Variants in USP36 observed in about 807,000 individuals in gnomAD.
USP36 encodes the protein ubiquitin carboxyl-terminal hydrolase 36.
Under a neutral mutation model 111.5 loss-of-function variants are expected in USP36, and 59 were observed. That is an observed-to-expected ratio of 0.53 (90% CI 0.43 to 0.66). The LOEUF (loss-of-function observed/expected upper bound fraction) is 0.66, where lower values mean the gene tolerates loss of function less well. USP36 is among the 30% of genes least tolerant of loss of function. USP36 has a pLI of 0.00. For synonymous variants in USP36, 628 were observed against 581.0 expected (o/e 1.08, Z -1.16); for missense variants, 1,488 against 1,468.0 (o/e 1.01, Z -0.22).
intron 6 of USP36, among the ~76,000 whole-genome samples, chr17:78,826,163 A>AAC (rs921605173): frequency 1.3e-5 from 2 of 152,296 alleles, no homozygotes; most frequent in African/African-American, 4.8e-5. Context: ...CGCGTGACCA[A>AAC]ACCCTCAAAA....
chr17:78,798,650 C>G lies in USP36; in HGVS notation c.3241-99G>C. ...GCAGGTCCTGCACACAGGCCGGGCT[C>G]TCATGAGCTCTCTGGAGACCCACTC... is the stretch of plus-strand genomic sequence containing the variant. On this transcript the variant is annotated intron_variant, in intron 19 of 20. Coordinates refer to ENST00000449938, the MANE Select transcript of USP36 (RefSeq NM_001385174.1). The surrounding 1 kb of genome is among the most constrained non-coding windows in gnomAD (Gnocchi z 5.1). 3.9e-6 allele frequency: 6 copies of G among 1,553,092 alleles called. No individual in the cohort carries two copies. The highest frequency in any genetic ancestry group is 5.2e-6 in the Non-Finnish European group (6 of 1,147,730).
At chr17:78,821,732 C>G (rs2094336057) in intron 7 of USP36, among the ~76,000 whole-genome samples, 1 of 152,026 alleles carries the variant, frequency 6.6e-6, no homozygotes, top group Non-Finnish European at 1.5e-5. Flanking sequence ...GCCACCACAC[C>G]CAGCCCTCGT....
At chr17:78,806,394 GA>G (rs1567921735) in intron 14 of USP36, 108 bp from the exon 15 acceptor site, 6 of 1,469,920 alleles carry the variant, frequency 4.1e-6, no homozygotes, top group South Asian at 2.5e-5. Flanking sequence ...AAAGAGCCCA[GA>G]AAAAAAGATG....
intron 6 of USP36, among the ~76,000 whole-genome samples, chr17:78,825,845 C>G (rs1230832213): frequency 2.0e-5 from 3 of 152,208 alleles, no homozygotes; most frequent in African/African-American, 7.2e-5. Context: ...CCTGGGGACA[C>G]CTACTTGCCT....
In USP36 at chr17:78,806,274, A is replaced by T; in HGVS notation, c.2098T>A (p.Trp700Arg). 1.9e-6 allele frequency: 3 copies of T among 1,613,934 alleles called. No individual in the cohort carries two copies. Among genetic ancestry groups the T allele is most frequent in the South Asian group, 2.2e-5 (2 of 91,074 alleles). Residue 700 changes from tryptophan (W) to arginine (R), a missense_variant, in exon 15 of 21, where the codon TGG becomes AGG. Coordinates refer to ENST00000449938, the MANE Select transcript of USP36 (RefSeq NM_001385174.1). ...ALSAKKASTL[W>R]RATGNDLRPP... ...CGGAGGTCATTGCCGGTCGCCCTCCACAGGGTGCTGGCCTGCAGTTATCGA... is the reference window on the plus strand; with the variant it reads ...CGGAGGTCATTGCCGGTCGCCCTCCTCAGGGTGCTGGCCTGCAGTTATCGA...
rs1230752425 is a variant in USP36, at chr17:78,802,389, G to C, written c.2957C>G (p.Ala986Gly). The C allele has an allele frequency of 1.2e-5, 19 of 1,609,420 alleles. No homozygotes were observed. The highest frequency in any genetic ancestry group is 1.4e-5 in the Non-Finnish European group (17 of 1,178,206). ...GCAGCTGCTGGACTCGGGGACAACA[G>C]CATCTTGGGGCTTGGCACTCCTTGG... ...KCPRSAKPQD[A>G]VVPESSSCAP... The change falls in exon 17 of 21, where the codon GCT becomes GGT. Residue 986 changes from alanine (A) to glycine (G), a missense_variant. Around this residue, in one of 3 missense-constraint regions of USP36, gnomAD observed 1,073 missense variants for 994.1 expected, o/e 1.08. Coordinates refer to ENST00000449938, the MANE Select transcript of USP36 (RefSeq NM_001385174.1).
At position 78,808,295 on chromosome 17, in the gene USP36, T is replaced by A. The variant is rs76141906; in HGVS notation, c.1408-659A>T. On this transcript the variant is annotated intron_variant, in intron 13 of 20. Transcript: ENST00000449938. ...CCTTGCTCTGTTGCCCAGGCTGGAG[T>A]GCAGTGGCATGATGATGTCATCATA... 1.5e-3 allele frequency among the ~76,000 whole-genome samples: 227 copies of A among 152,288 alleles called. 2 individuals carry two copies. The highest frequency in any genetic ancestry group is 5.3e-3 in the African/African-American group (220 of 41,560).
At chr17:78,795,011 A>G (rs1401734467), downstream of USP36, among the ~76,000 whole-genome samples, 12 of 137,344 alleles carry the variant, frequency 8.7e-5, no homozygotes, top group African/African-American at 2.8e-4. The surrounding 1 kb of genome is among the most constrained non-coding windows in gnomAD (Gnocchi z 4.5). Context: ...CTGTTCGGGA[A>G]AAAAAAAAAA....
At chr17:78,801,391 G>A (rs1158084579) in intron 17 of USP36, among the ~76,000 whole-genome samples, 1 of 152,202 alleles carries the variant, frequency 6.6e-6, no homozygotes, top group Admixed American at 6.5e-5. Flanking sequence ...CCTTTCTTAA[G>A]AGTTGGATAA....
At chr17:78,828,497 A>G (rs1479230618) in intron 5 of USP36, among the ~76,000 whole-genome samples, 2 of 152,070 alleles carry the variant, frequency 1.3e-5, no homozygotes, top group Non-Finnish European at 2.9e-5. Context: ...ACCTGCCCAA[A>G]GGAAAAGCTA....
In USP36 at chr17:78,803,573, G is replaced by A. The variant is rs1567914660; in HGVS notation, c.2622C>T (p.Tyr874=). The A allele has an allele frequency of 2.5e-6, 4 of 1,613,268 alleles. No homozygotes were observed. The highest frequency in any genetic ancestry group is 3.4e-6 in the Non-Finnish European group (4 of 1,180,010). Residue 874 remains tyrosine (Y), a synonymous_variant, in exon 16 of 21, where the codon TAC becomes TAT. Transcript: ENST00000449938. This position sits in a 1 kb window ranked among gnomAD's most constrained non-coding sequence, Gnocchi z 4.6. The part of the protein sequence containing the change: ...QTQRQPGSPM[Y]RREGQAQLPA... ...GCAGCTGTGCCTGGCCCTCCCTCCT[G>A]TACATGGGGCTCCCAGGCTGTCTCT... is the stretch of plus-strand genomic sequence containing the variant.
At chr17:78,789,668 C>A (rs1020954156) in intron 3 of USP36, among the ~76,000 whole-genome samples, 2 of 152,222 alleles carry the variant, frequency 1.3e-5, no homozygotes, top group African/African-American at 4.8e-5. Flanking sequence ...CACTTAAAAT[C>A]TGTTTGTAAT....
intron 13 of USP36, 143 bp from the exon 14 acceptor site, chr17:78,807,779 G>A: frequency 3.4e-6 from 3 of 876,562 alleles, no homozygotes; most frequent in Non-Finnish European, 4.9e-6. Flanking sequence ...CTGGACTCTT[G>A]GTAAAGACAC....
intron 6 of USP36, chr17:78,823,301 T>C (rs1750785025): frequency 2.5e-6 from 1 of 397,762 alleles, no homozygotes; most frequent in Admixed American, 4.4e-5. Context: ...GACTGAGAAC[T>C]GTGGGTAGCT....
intron 7 of USP36, among the ~76,000 whole-genome samples, chr17:78,821,567 G>A (rs886893646): frequency 1.6e-4 from 24 of 150,796 alleles, no homozygotes; most frequent in African/African-American, 5.6e-4. Context: ...AGCTGGGATT[G>A]CAGGCATGTG....
upstream of USP36, chr17:78,841,313 C>CT (rs1201368988): frequency 6.6e-6 from 1 of 152,482 alleles, no homozygotes; most frequent in Non-Finnish European, 1.5e-5. Flanking sequence ...GGCGCTCGGC[C>CT]TTAACGTCCC....
At chr17:78,816,914 G>A (rs1254506443) in intron 10 of USP36, among the ~76,000 whole-genome samples, 3 of 152,104 alleles carry the variant, frequency 2.0e-5, no homozygotes, top group Admixed American at 2.0e-4. Context: ...CCCAGTCATT[G>A]CCCCCATCTC....
intron 2 of USP36, among the ~76,000 whole-genome samples, chr17:78,837,648 C>T (rs1467664102): frequency 1.3e-5 from 2 of 152,198 alleles, no homozygotes; most frequent in East Asian, 3.8e-4. Flanking sequence ...TACCCACCAC[C>T]TCTCAACTTA....
At position 78,807,049 on chromosome 17, in the gene USP36, C is replaced by A. The variant is rs751840907; in HGVS notation, c.1995G>T (p.Leu665=). 3 of 1,614,254 alleles carry A rather than the reference C, an allele frequency of 1.9e-6. No homozygotes were observed. The highest frequency in any genetic ancestry group is 2.5e-6 in the Non-Finnish European group (3 of 1,180,044). The change falls in exon 14 of 21, where the codon CTG becomes CTT. Residue 665 remains leucine (L), a synonymous_variant. Transcript: ENST00000449938. ...PSGADSKTVK[L]KSPVLSNTTT... Reference sequence around the variant, plus strand: ...TGGTGTTGCTCAGGACAGGGGACTTCAGCTTCACCGTCTTAGAATCTGCTC... The same window carrying A: ...TGGTGTTGCTCAGGACAGGGGACTTAAGCTTCACCGTCTTAGAATCTGCTC...
Sources: gnomAD v4.1 joint callset for allele counts (sites outside exome capture counted in the v4.1 genomes callset) on GRCh38, gnomAD v4.1.1 for gene constraint, gnomAD v4.1.1 regional missense constraint, Gnocchi (gnomAD v3.1) non-coding constraint, MANE v1.5 for transcripts, NCBI Gene and HGNC (gene_info 2026-07-23, HGNC 2026-07-21) for gene names.